The following MEI1 variants were observed in gnomAD, a reference collection of about 807,000 sequenced individuals.
MEI1 encodes meiosis inhibitor protein 1.
A neutral mutation model predicts 146.2 loss-of-function variants in MEI1; 103 were observed. The ratio of observed to expected loss-of-function variants is 0.70; its 90% CI spans 0.60 to 0.83. The LOEUF (loss-of-function observed/expected upper bound fraction) is 0.83. Among genes scored for constraint, MEI1 ranks in the 40% least tolerant of loss-of-function variants. The pLI is 0.00. For missense variants in MEI1, 1,529 were observed against 1,533.0 expected (o/e 1.00, Z 0.04); for synonymous variants, 652 against 628.2 (o/e 1.04, Z -0.57).
intron 17 of MEI1, among the ~76,000 whole-genome samples, chr22:41,755,674 A>G (rs1255485113): frequency 1.3e-5 from 2 of 152,206 alleles, no homozygotes; most frequent in Non-Finnish European, 1.5e-5. Flanking sequence ...TGTGCCAGGA[A>G]ATGCAGCACA....
At position 41,793,835 on chromosome 22, in the gene MEI1, C is replaced by T; in HGVS notation, c.3352C>T (p.Pro1118Ser). The T allele has an allele frequency of 6.3e-7, 1 of 1,596,534 alleles. No homozygotes were observed. The highest frequency in any genetic ancestry group is 8.5e-7 in the Non-Finnish European group (1 of 1,174,594). The change falls in exon 27 of 31, where the codon CCT (proline) becomes TCT (serine). Residue 1118 changes from proline (P) to serine (S), a missense_variant. Around this residue, in one of 3 missense-constraint regions of MEI1, gnomAD observed 313 missense variants for 337.3 expected, o/e 0.93. Transcript: ENST00000401548. The part of the protein sequence containing the change: ...GLQNLLVQKD[P>S]LLSQACVGCL... Reference sequence around the variant, plus strand: ...TTTTTTTTTTTTTCTGCAGAAGGACCCTCTATTGTCCCAGGCCTGTGTTGG... The same window carrying T: ...TTTTTTTTTTTTTCTGCAGAAGGACTCTCTATTGTCCCAGGCCTGTGTTGG...
At chr22:41,794,508 AG>A (rs2076296793) in intron 28 of MEI1, 31 bp downstream of exon 28, 1 of 1,581,712 alleles carries the variant, frequency 6.3e-7, no homozygotes, top group Non-Finnish European at 8.7e-7. Context: ...TTGTGGTCTG[AG>A]GAGTGTCATG....
Position 41,713,073 on chromosome 22 carries a change from C to T in MEI1, c.350-929C>T, listed in dbSNP as rs566647979. On this transcript the variant is annotated intron_variant, in intron 3 of 30. Coordinates refer to ENST00000401548, the MANE Select transcript of MEI1 (RefSeq NM_152513.4). Reference sequence around the variant, plus strand: ...ATCCGCCCATCTCGGCCTCCCAAAGCGCTGGGATTACATGCGTGAGCCACC... The same window carrying T: ...ATCCGCCCATCTCGGCCTCCCAAAGTGCTGGGATTACATGCGTGAGCCACC... Among the ~76,000 whole-genome samples, 9 of 151,792 alleles carry T rather than the reference C, an allele frequency of 5.9e-5. No individual in the cohort carries two copies. The South Asian group carries it at 8.3e-4, about 14-fold the overall frequency.
At chr22:41,752,515 A>G (rs1263433356) in intron 15 of MEI1, 76 bp from the exon 16 acceptor site, 3 of 1,323,388 alleles carry the variant, frequency 2.3e-6, no homozygotes, top group Non-Finnish European at 3.2e-6. Flanking sequence ...GAGCTTTTTG[A>G]TACCACCCAG....
chr22:41,793,032 CTTTTTTTTTTTTTTTT>C (rs869223251), intron 26 of MEI1, among the ~76,000 whole-genome samples: 8 of 48,400 alleles, frequency 1.7e-4, no homozygotes, highest in East Asian at 1.1e-3. Context: ...ACAAAGCATT[CTTTTTTTTTTTTTTTT>C]TTTTTTTTTT....
intron 17 of MEI1, among the ~76,000 whole-genome samples, chr22:41,755,176 A>G (rs1045834208): frequency 4.6e-5 from 7 of 152,162 alleles, no homozygotes; most frequent in Admixed American, 4.6e-4. Context: ...GGGTTCCTCT[A>G]TCTTAGACCT....
At chr22:41,748,074 G>A (rs751755807) in intron 14 of MEI1, 33 bp from the exon 15 acceptor site, 15 of 1,478,620 alleles carry the variant, frequency 1.0e-5, no homozygotes, top group South Asian at 2.3e-5. Flanking sequence ...CTCAGTCCCC[G>A]TGGGCTGTGT....
Position 41,794,484 on chromosome 22 carries a change from G to C in MEI1, c.3534+7G>C, listed in dbSNP as rs780853807. On this transcript the variant is annotated splice_region_variant and intron_variant, in intron 28 of 30. Coordinates refer to ENST00000401548, the MANE Select transcript of MEI1 (RefSeq NM_152513.4). Reference sequence around the variant, plus strand: ...TTTGAGGCTCATGACCCTGGTAAGTGCAGAAAGGATATCTTGTGGTCTGAG... The same window carrying C: ...TTTGAGGCTCATGACCCTGGTAAGTCCAGAAAGGATATCTTGTGGTCTGAG... 1.9e-6 allele frequency: 3 copies of C among 1,609,108 alleles called. No individual in the cohort carries two copies. In the South Asian group the frequency reaches 3.3e-5, roughly 18 times the overall value.
At chr22:41,724,524 A>G (rs911990284) in intron 7 of MEI1, among the ~76,000 whole-genome samples, 1 of 151,632 alleles carries the variant, frequency 6.6e-6, no homozygotes, top group African/African-American at 2.4e-5. Context: ...ATGCTGAGGC[A>G]GGAGAATGCC....
intron 21 of MEI1, 123 bp from the exon 22 acceptor site, chr22:41,778,585 C>T: frequency 1.5e-6 from 1 of 669,150 alleles, no homozygotes; most frequent in African/African-American, 1.8e-5. Flanking sequence ...CAAAACACCT[C>T]ACCCCTTAGG....
intron 4 of MEI1, among the ~76,000 whole-genome samples, chr22:41,714,282 A>G (rs1601684693): frequency 6.6e-6 from 1 of 151,880 alleles, no homozygotes; most frequent in South Asian, 2.1e-4. Flanking sequence ...TCCCCTTTCA[A>G]TCTCCCAAAT....
chr22:41,711,880 C>T (rs1218739041), intron 3 of MEI1, among the ~76,000 whole-genome samples: 1 of 151,536 alleles, frequency 6.6e-6, no homozygotes, highest in African/African-American at 2.4e-5. Context: ...TATAAAGGAG[C>T]AAACTGAGGA....
intron 11 of MEI1, among the ~76,000 whole-genome samples, chr22:41,733,163 G>T (rs1232663243): frequency 6.6e-6 from 1 of 150,972 alleles, no homozygotes; most frequent in Admixed American, 6.6e-5. Context: ...AAACAATACA[G>T]TATACGTTGG....
intron 4 of MEI1, among the ~76,000 whole-genome samples, chr22:41,715,469 C>T (rs1252120714): frequency 1.3e-5 from 2 of 151,062 alleles, no homozygotes; most frequent in African/African-American, 4.9e-5. Context: ...AATCTTGGCT[C>T]ACTGCAAGCT....
At chr22:41,724,241 C>G (rs2071118043) in intron 7 of MEI1, among the ~76,000 whole-genome samples, 168 bp downstream of exon 7, 1 of 152,080 alleles carries the variant, frequency 6.6e-6, no homozygotes, top group Non-Finnish European at 1.5e-5. Context: ...AGTCCCAGCA[C>G]TTTCGGAGGC....
At chr22:41,785,506 C>T (rs1251511100) in intron 26 of MEI1, among the ~76,000 whole-genome samples, 1 of 151,792 alleles carries the variant, frequency 6.6e-6, no homozygotes, top group Non-Finnish European at 1.5e-5. Flanking sequence ...TCATGATCCT[C>T]CCGCCTCGGC....
chr22:41,749,740 G>T (rs955172318), intron 15 of MEI1, among the ~76,000 whole-genome samples: 13 of 152,210 alleles, frequency 8.5e-5, no homozygotes, highest in African/African-American at 3.1e-4. Flanking sequence ...ACTCAGGTTG[G>T]TGGTAGGAAC....
chr22:41,748,215 C>G lies in MEI1; in HGVS notation c.1789C>G (p.Leu597Val), dbSNP rs757984668. The change falls in exon 15 of 31, where the codon CTT becomes GTT. Residue 597 changes from leucine to valine, a missense_variant. Around this residue, in one of 3 missense-constraint regions of MEI1, gnomAD observed 1,212 missense variants for 1,178.9 expected, o/e 1.03. Coordinates refer to ENST00000401548, the MANE Select transcript of MEI1 (RefSeq NM_152513.4). ...CATGAAGGAGAAGTTTTCCAAGAAGCTTGGTAGGCAGCAGGCAAATGTGGA... is the reference window on the plus strand; with the variant it reads ...CATGAAGGAGAAGTTTTCCAAGAAGGTTGGTAGGCAGCAGGCAAATGTGGA... The part of the protein sequence containing the change: ...PHMKEKFSKK[L>V]ASSSFIRLTL... 3.7e-6 allele frequency: 6 copies of G among 1,608,084 alleles called. No individual in the cohort carries two copies. Among genetic ancestry groups the G allele is most frequent in the African/African-American group, 1.3e-5 (1 of 74,774 alleles).
rs1292160034 is a variant in MEI1, at chr22:41,767,467, T to A, written c.2269-3219T>A. On this transcript the variant is annotated intron_variant, in intron 19 of 30. Transcript: ENST00000401548. ...GGAGGAGATACACACTGATGTGTGT[T>A]AAGGTATGTGTCTGAGGATCCCCAA... is the stretch of plus-strand genomic sequence containing the variant. 9 of 429,368 alleles carry A rather than the reference T, an allele frequency of 2.1e-5. No individual in the cohort carries two copies. The East Asian group carries it at 6.5e-4, about 31-fold the overall frequency. 26.6% of individuals were successfully genotyped at this position (429,368 alleles called of 1,614,324 possible). A position where few individuals can be genotyped will look rare whatever the true frequency, so the allele number is the denominator to read the frequency against.
Sources: allele counts gnomAD v4.1 joint callset (sites outside exome capture counted in the v4.1 genomes callset), GRCh38; gene constraint gnomAD v4.1.1; regional missense constraint gnomAD v4.1.1; transcripts MANE v1.5; gene names NCBI Gene and HGNC (gene_info 2026-07-23, HGNC 2026-07-21).